The following TRAPPC6A variants were observed in gnomAD, a reference collection of about 807,000 sequenced individuals.
TRAPPC6A encodes the protein TRAPP complex subunit 6A.
Under a neutral mutation model 20.8 loss-of-function variants are expected in TRAPPC6A, and 25 were observed. The ratio of observed to expected loss-of-function variants is 1.20; its 90% CI spans 0.88 to 1.68. The LOEUF is 1.68. Ranked by LOEUF, TRAPPC6A falls within the 40% of genes most tolerant of loss-of-function variation. TRAPPC6A has a pLI of 0.00. For synonymous variants in TRAPPC6A, 96 were observed against 93.3 expected, an observed-to-expected ratio of 1.03 and a Z score of -0.16; for missense variants, 215 against 211.6, an observed-to-expected ratio of 1.02 and a Z score of -0.10.
chr19:45,163,476 G>GC lies in TRAPPC6A; in HGVS notation c.449-254dup, dbSNP rs1395499125. ...CATTGCTCGGTCCTACCCCACGGGGGCCCCGGGGGCCCCCATGAGTGGGCC... is the reference window on the plus strand; with the variant it reads ...CATTGCTCGGTCCTACCCCACGGGGGCCCCCGGGGGCCCCCATGAGTGGGCC... On this transcript the variant is annotated intron_variant, in intron 5 of 5. Coordinates refer to ENST00000585934, the MANE Select transcript of TRAPPC6A (RefSeq NM_001270891.2). This position sits in a 1 kb window ranked among gnomAD's most constrained non-coding sequence, Gnocchi z 5.3. Among the ~76,000 whole-genome samples the GC allele has an allele frequency of 1.3e-5, 2 of 152,060 alleles. No homozygotes were observed. The highest frequency in any genetic ancestry group is 2.4e-5 in the African/African-American group (1 of 41,402).
intron 1 of TRAPPC6A, among the ~76,000 whole-genome samples, chr19:45,177,725 G>T (rs1009681894): frequency 6.6e-6 from 1 of 152,180 alleles, no homozygotes; most frequent in African/African-American, 2.4e-5. Flanking sequence ...CAATAAGTGG[G>T]TGTCGAATAA....
chr19:45,168,041 C>T (rs1040439104), intron 1 of TRAPPC6A, among the ~76,000 whole-genome samples: 4 of 129,730 alleles, frequency 3.1e-5, no homozygotes, highest in African/African-American at 5.8e-5. Flanking sequence ...CTCGCCCTGT[C>T]GCCCAGGCTG....
At chr19:45,170,506 G>A (rs1296267032) in intron 1 of TRAPPC6A, among the ~76,000 whole-genome samples, 3 of 152,218 alleles carry the variant, frequency 2.0e-5, no homozygotes, top group East Asian at 1.9e-4. Context: ...GGGTGAGCTG[G>A]GGGAGAGAGT....
At position 45,173,061 on chromosome 19, in the gene TRAPPC6A, G is replaced by T. The variant is rs1486066061; in HGVS notation, c.84+5074C>A. 6.6e-6 allele frequency among the ~76,000 whole-genome samples: 1 copy of T among 151,546 alleles called. No homozygotes were observed. The highest frequency in any genetic ancestry group is 1.5e-5 in the Non-Finnish European group (1 of 68,024). On this transcript the variant is annotated intron_variant, in intron 1 of 5. Transcript: ENST00000585934. The surrounding 1 kb of genome is among the most constrained non-coding windows in gnomAD (Gnocchi z 4.8). ...GGGGTGTGGTGGATGGAGGCCTGGC[G>T]CAGCAGGGCTATTCTCGGGGCGCCT... is the stretch of plus-strand genomic sequence containing the variant.
At position 45,172,615 on chromosome 19, in the gene TRAPPC6A, T is replaced by C. The variant is rs7247764; in HGVS notation, c.84+5520A>G. 0.23 allele frequency among the ~76,000 whole-genome samples: 35,395 copies of C among 151,374 alleles called. 5,072 individuals carry two copies. Among genetic ancestry groups the C allele is most frequent in the African/African-American group, 0.35 (14,444 of 40,758 alleles). On this transcript the variant is annotated intron_variant, in intron 1 of 5. Coordinates refer to ENST00000585934, the MANE Select transcript of TRAPPC6A (RefSeq NM_001270891.2). This position sits in a 1 kb window ranked among gnomAD's most constrained non-coding sequence, Gnocchi z 4.2. ...GTGCGAGAAGCCTGCAGGACTTCCC[T>C]GCTGTTGCCCTCAACTCTCCTCCCT...
Position 45,165,363 on chromosome 19 carries a change from C to T in TRAPPC6A, c.85-169G>A, listed in dbSNP as rs535038224. Among the ~76,000 whole-genome samples the T allele has an allele frequency of 6.9e-3, 1,057 of 152,256 alleles. 21 individuals are homozygous for T. Among genetic ancestry groups the T allele is most frequent in the Non-Finnish European group, 7.9e-3 (535 of 67,988 alleles). On this transcript the variant is annotated intron_variant, in intron 1 of 5. Transcript: ENST00000585934. Reference sequence around the variant, plus strand: ...GCCCGGCCAGGGCAGGGGCAGGCCTCTAGGGTGCTGGGGCTCCCTCACCCA... The same window carrying T: ...GCCCGGCCAGGGCAGGGGCAGGCCTTTAGGGTGCTGGGGCTCCCTCACCCA...
intron 1 of TRAPPC6A, among the ~76,000 whole-genome samples, chr19:45,168,513 G>A (rs780422354): frequency 9.2e-5 from 14 of 152,032 alleles, no homozygotes; most frequent in African/African-American, 2.2e-4. Flanking sequence ...CTCACCCAGC[G>A]GACACATCCC....
intron 1 of TRAPPC6A, among the ~76,000 whole-genome samples, chr19:45,170,670 C>T (rs546121413): frequency 3.9e-5 from 6 of 152,366 alleles, no homozygotes; most frequent in African/African-American, 1.4e-4. Context: ...CCAACCATCC[C>T]GTGCCTCAGT....
intron 1 of TRAPPC6A, among the ~76,000 whole-genome samples, chr19:45,175,724 C>T (rs1332118296): frequency 2.0e-5 from 3 of 152,082 alleles, no homozygotes; most frequent in Non-Finnish European, 2.9e-5. Flanking sequence ...GGTATTTAGA[C>T]TGACTGGGCA....
chr19:45,167,074 GCA>G (rs745462747), intron 1 of TRAPPC6A, among the ~76,000 whole-genome samples: 4 of 152,106 alleles, frequency 2.6e-5, no homozygotes, highest in Non-Finnish European at 4.4e-5. Context: ...CCTGCCCACT[GCA>G]CACTGTCCCT....
chr19:45,165,087 G>A (rs1046857876), intron 2 of TRAPPC6A, 40 bp downstream of exon 2: 1 of 1,612,062 alleles, frequency 6.2e-7, no homozygotes, highest in African/African-American at 1.3e-5. Context: ...GCCCAGCCCT[G>A]CCAGCCAGGC....
chr19:45,178,053 C>A, intron 1 of TRAPPC6A, 82 bp downstream of exon 1: 1 of 1,599,268 alleles, frequency 6.3e-7, no homozygotes, highest in South Asian at 1.1e-5. Context: ...GGTTCGAACC[C>A]GGACGCCTGA....
rs1215824305 is a variant in TRAPPC6A, at chr19:45,165,256, G to A, written c.85-62C>T. The A allele has an allele frequency of 2.7e-6, 4 of 1,491,078 alleles. No homozygotes were observed. The African/African-American group carries it at 4.2e-5, about 16-fold the overall frequency. 92.4% of individuals were successfully genotyped at this position (1,491,078 alleles called of 1,614,324 possible). On this transcript the variant is annotated intron_variant, in intron 1 of 5. Transcript: ENST00000585934. ...GCCACCACGAACCCGGGGCCACCCA[G>A]GGGGGGACCTGCCAGGGGACCCAAA...
At chr19:45,169,343 C>A (rs1969223285) in intron 1 of TRAPPC6A, among the ~76,000 whole-genome samples, 1 of 152,214 alleles carries the variant, frequency 6.6e-6, no homozygotes, top group African/African-American at 2.4e-5. Context: ...GTCACCCAGG[C>A]TGGAGTGCAA....
chr19:45,167,915 C>A (rs145754925), intron 1 of TRAPPC6A, among the ~76,000 whole-genome samples: 1 of 151,506 alleles, frequency 6.6e-6, no homozygotes, highest in Admixed American at 6.6e-5. Flanking sequence ...GGAGGATCAT[C>A]TGAGCCCAGG....
chr19:45,170,899 C>T (rs1000832464), intron 1 of TRAPPC6A, among the ~76,000 whole-genome samples: 2 of 152,166 alleles, frequency 1.3e-5, no homozygotes, highest in African/African-American at 2.4e-5. Context: ...GAAGAAAGGG[C>T]GGAGGAGGAA....
rs1283723154 is a variant in TRAPPC6A at position 45,164,865 on chromosome 19, G to A, written c.258C>T (p.Arg86=). The change falls in exon 3 of 6, where the codon CGC becomes CGT. Residue 86 remains arginine (R), a synonymous_variant. Coordinates refer to ENST00000585934, the MANE Select transcript of TRAPPC6A (RefSeq NM_001270891.2). The stretch of plus-strand genomic sequence containing the variant: ...GGGGTGCTCCCACCTGGTGATTGGT[G>A]CGCAGGCTGTCCATCTGCTTCTGGA... The part of the protein sequence containing the change: ...AVFQKQMDSL[R]TNHQGTYVLQ... 11 of 1,613,878 alleles carry A rather than the reference G, an allele frequency of 6.8e-6. No individual in the cohort carries two copies. Among genetic ancestry groups the A allele is most frequent in the Non-Finnish European group, 9.3e-6 (11 of 1,179,918 alleles).
chr19:45,177,441 A>G (rs1325551092), intron 1 of TRAPPC6A, among the ~76,000 whole-genome samples: 1 of 152,026 alleles, frequency 6.6e-6, no homozygotes, highest in Non-Finnish European at 1.5e-5. Flanking sequence ...CCCAGGTTCA[A>G]GCCATTCTCC....
At chr19:45,171,288 C>T (rs1243227154) in intron 1 of TRAPPC6A, among the ~76,000 whole-genome samples, 5 of 125,438 alleles carry the variant, frequency 4.0e-5, no homozygotes, top group East Asian at 2.4e-4. Context: ...GGTGACAGAG[C>T]GAGACTCAGT....
Sources: gnomAD v4.1 joint callset for allele counts (sites outside exome capture counted in the v4.1 genomes callset) on GRCh38, gnomAD v4.1.1 for gene constraint, Gnocchi (gnomAD v3.1) non-coding constraint, MANE v1.5 for transcripts, NCBI Gene and HGNC (gene_info 2026-07-23, HGNC 2026-07-21) for gene names.